VWA8: variants seen among roughly 807,000 people sequenced by gnomAD.
The protein encoded by VWA8 is von Willebrand factor A domain containing 8, also known as von Willebrand factor A domain-containing protein 8.
In VWA8, 221 loss-of-function variants were observed where a neutral mutation model predicts 241.5. The observed-to-expected ratio is 0.91, with a 90% CI of 0.82 to 1.02. The LOEUF is 1.02. Among genes scored for constraint, VWA8 ranks in the 50% least tolerant of loss-of-function variants. The probability of loss-of-function intolerance (pLI) is 0.00; values close to 1 mark genes in which losing one functional copy is unlikely to be tolerated. For missense variants in VWA8, 2,322 were observed against 2,328.7 expected, an observed-to-expected ratio of 1.00 and a Z score of 0.06; for synonymous variants, 852 against 827.1, an observed-to-expected ratio of 1.03 and a Z score of -0.52.
At chr13:41,816,240 T>C (rs762501994) in intron 16 of VWA8, among the ~76,000 whole-genome samples, 5 of 152,228 alleles carry the variant, frequency 3.3e-5, no homozygotes, top group South Asian at 2.1e-4. Flanking sequence ...GTTCCCATTT[T>C]ACAGATGAGA....
chr13:41,932,997 A>G (rs1361886576), intron 2 of VWA8, among the ~76,000 whole-genome samples: 3 of 152,018 alleles, frequency 2.0e-5, no homozygotes, highest in Admixed American at 1.3e-4. Context: ...ACAATAAGGT[A>G]AACACATAAA....
At position 41,587,687 on chromosome 13, in the gene VWA8, C is replaced by G. The variant is rs76415752; in HGVS notation, c.5113-17G>C. 6.2e-7 allele frequency: 1 copy of G among 1,612,580 alleles called. No individual in the cohort carries two copies. The highest frequency in any genetic ancestry group is 1.1e-5 in the South Asian group (1 of 90,970). On this transcript the variant is annotated splice_polypyrimidine_tract_variant and intron_variant, in intron 41 of 44. Coordinates refer to ENST00000379310, the MANE Select transcript of VWA8 (RefSeq NM_015058.2). ...GCTGCCAAGCTGAGGGAAGGAATAA[C>G]AGAAAAGCCGTTTGTGAACTGGCAA...
At chr13:41,749,192 A>G (rs1174872167) in intron 21 of VWA8, among the ~76,000 whole-genome samples, 6 of 152,246 alleles carry the variant, frequency 3.9e-5, no homozygotes, top group African/African-American at 1.4e-4. Context: ...AAAATGGGCA[A>G]AGGATATGAA....
At chr13:41,646,129 G>A (rs926039654) in intron 37 of VWA8, among the ~76,000 whole-genome samples, 1 of 152,168 alleles carries the variant, frequency 6.6e-6, no homozygotes, top group African/African-American at 2.4e-5. Context: ...ACCACGCCCA[G>A]CTAATTTTGT....
At chr13:41,577,839 T>C (rs971165737) in intron 42 of VWA8, among the ~76,000 whole-genome samples, 2 of 152,226 alleles carry the variant, frequency 1.3e-5, no homozygotes, top group Non-Finnish European at 2.9e-5. Flanking sequence ...TAGAGTTCTT[T>C]CTAATTAGAT....
At chr13:41,806,007 A>T (rs976264868) in intron 17 of VWA8, among the ~76,000 whole-genome samples, 11 of 151,370 alleles carry the variant, frequency 7.3e-5, no homozygotes, top group African/African-American at 2.7e-4. Flanking sequence ...AAAATAAAAA[A>T]AAAAAAAAAA....
At chr13:41,891,613 A>G (rs774886087) in intron 4 of VWA8, 26 bp from the exon 5 acceptor site, 1 of 1,612,626 alleles carries the variant, frequency 6.2e-7, no homozygotes, top group South Asian at 1.1e-5. Context: ...GTAAAAGCAA[A>G]ATGAGAATAC....
intron 16 of VWA8, among the ~76,000 whole-genome samples, chr13:41,816,358 T>G (rs1870692600): frequency 6.6e-6 from 1 of 152,108 alleles, no homozygotes. Context: ...AAGCTGAACA[T>G]AAAGATGTAG....
At position 41,817,324 on chromosome 13, in the gene VWA8, G is replaced by A. The variant is rs565217048; in HGVS notation, c.1870-549C>T. On this transcript the variant is annotated intron_variant, in intron 15 of 44. Coordinates refer to ENST00000379310, the MANE Select transcript of VWA8 (RefSeq NM_015058.2). Reference sequence around the variant, plus strand: ...GTATGATCAACATATCAATGAACTCGGAAGAGCAATTGCCCAAATAACACA... The same window carrying A: ...GTATGATCAACATATCAATGAACTCAGAAGAGCAATTGCCCAAATAACACA... Among the ~76,000 whole-genome samples, 4 of 152,140 alleles carry A rather than the reference G, an allele frequency of 2.6e-5. No individual in the cohort carries two copies. In the South Asian group the frequency reaches 6.2e-4, roughly 24 times the overall value.
chr13:41,570,590 C>T lies in VWA8; in HGVS notation c.5487G>A (p.Leu1829=), dbSNP rs2044294195. The T allele has an allele frequency of 6.2e-7, 1 of 1,614,174 alleles. No homozygotes were observed. The highest frequency in any genetic ancestry group is 8.5e-7 in the Non-Finnish European group (1 of 1,180,026). ...CATATCGTGACAGATTTGCATCACT[C>T]AAGACTATGACAAAGTACTCATCAG... The part of the protein sequence containing the change: ...EEADEYFVIV[L]SDANLSRYGI... The change falls in exon 44 of 45, where the codon TTG becomes TTA. Residue 1829 remains leucine (L), a synonymous_variant. Coordinates refer to ENST00000379310, the MANE Select transcript of VWA8 (RefSeq NM_015058.2).
chr13:41,577,112 T>C lies in VWA8; in HGVS notation c.5272-1274A>G, dbSNP rs535141912. On this transcript the variant is annotated intron_variant, in intron 42 of 44. Transcript: ENST00000379310. ...GCTTGGGGTCATTTGATGAGAATAGTTGGGGATCCCAGGTACCAGGAGCAT... is the reference window on the plus strand; with the variant it reads ...GCTTGGGGTCATTTGATGAGAATAGCTGGGGATCCCAGGTACCAGGAGCAT... Among the ~76,000 whole-genome samples the C allele has an allele frequency of 2.2e-4, 34 of 152,334 alleles. 1 individual carries two copies. Among genetic ancestry groups the C allele is most frequent in the African/African-American group, 7.7e-4 (32 of 41,564 alleles).
intron 20 of VWA8, among the ~76,000 whole-genome samples, chr13:41,763,344 GATA>G (rs2045756033): frequency 6.7e-6 from 1 of 150,248 alleles, no homozygotes; most frequent in African/African-American, 2.5e-5. Flanking sequence ...TAGATAGATA[GATA>G]GATAAAGTGG....
chr13:41,583,875 G>A (rs904760382), intron 42 of VWA8, among the ~76,000 whole-genome samples: 1 of 152,098 alleles, frequency 6.6e-6, no homozygotes, highest in Non-Finnish European at 1.5e-5. Flanking sequence ...TGATAAAATT[G>A]AATTTGAGTT....
At chr13:41,883,525 A>G (rs1874368135) in intron 8 of VWA8, 34 bp from the exon 9 acceptor site, 1 of 1,481,940 alleles carries the variant, frequency 6.7e-7, no homozygotes. Context: ...GGAATGAGCA[A>G]AATTCAAAAT....
At chr13:41,721,332 A>T in intron 25 of VWA8, 38 bp downstream of exon 25, 1 of 1,602,600 alleles carries the variant, frequency 6.2e-7, no homozygotes, top group South Asian at 1.1e-5. Flanking sequence ...TAAAAAAGAG[A>T]GTGATGGCTC....
intron 43 of VWA8, among the ~76,000 whole-genome samples, chr13:41,575,337 A>ACTAT (rs1271611125): frequency 2.6e-5 from 4 of 152,136 alleles, no homozygotes; most frequent in African/African-American, 9.7e-5. Context: ...TGATGGGTAC[A>ACTAT]CTATCTCAAA....
At chr13:41,831,066 A>T (rs1016483327) in intron 13 of VWA8, among the ~76,000 whole-genome samples, 1 of 152,204 alleles carries the variant, frequency 6.6e-6, no homozygotes, top group Non-Finnish European at 1.5e-5. Flanking sequence ...AAGATTTAAA[A>T]ATACAAAAAT....
intron 33 of VWA8, 125 bp downstream of exon 33, chr13:41,690,041 C>CTG: frequency 1.4e-6 from 1 of 712,546 alleles, no homozygotes; most frequent in Non-Finnish European, 2.2e-6. Flanking sequence ...GGTGTAGTGA[C>CTG]TAAGTTTTTT....
chr13:41,937,639 T>G (rs1877410674), intron 2 of VWA8, among the ~76,000 whole-genome samples: 1 of 152,178 alleles, frequency 6.6e-6, no homozygotes, highest in Non-Finnish European at 1.5e-5. Context: ...AGACCAGTAC[T>G]GGACCCATCA....
Sources: gnomAD v4.1 joint callset for allele counts (sites outside exome capture counted in the v4.1 genomes callset) on GRCh38, gnomAD v4.1.1 for gene constraint, MANE v1.5 for transcripts, NCBI Gene and HGNC (gene_info 2026-07-23, HGNC 2026-07-21) for gene names.